Variants in LRRC69 observed in about 807,000 individuals in gnomAD.
LRRC69 encodes leucine rich repeat containing 69.
A neutral mutation model predicts 37.8 loss-of-function variants in LRRC69; 42 were observed. The observed-to-expected ratio is 1.11, with a 90% CI of 0.87 to 1.44. The LOEUF is 1.44. Ranked by LOEUF, LRRC69 falls within the 40% of genes most tolerant of loss-of-function variation. The pLI is 0.00. For synonymous variants in LRRC69, 141 were observed against 143.1 expected (o/e 0.99, Z 0.11); for missense variants, 357 against 401.9 (o/e 0.89, Z 0.96).
rs548765534 is a variant in LRRC69, at chr8:91,210,225, T to C, written c.934-8665T>C. On this transcript the variant is annotated intron_variant, in intron 7 of 7. Transcript: ENST00000448384. Reference sequence around the variant, plus strand: ...GTAACTAAGACTAAGCAAAGTTAAGTAGTTTGTTCACAAATTTCAAATCTA... The same window carrying C: ...GTAACTAAGACTAAGCAAAGTTAAGCAGTTTGTTCACAAATTTCAAATCTA... 9.3e-4 allele frequency among the ~76,000 whole-genome samples: 142 copies of C among 152,290 alleles called. 3 individuals are homozygous for C. The highest frequency in any genetic ancestry group is 1.0e-3 in the Non-Finnish European group (71 of 68,006).
At chr8:91,194,769 T>C (rs1437182349) in intron 6 of LRRC69, among the ~76,000 whole-genome samples, 1 of 152,200 alleles carries the variant, frequency 6.6e-6, no homozygotes, top group East Asian at 1.9e-4. Flanking sequence ...GGTCTATCTA[T>C]TTTGTTGATC....
chr8:91,144,600 T>C (rs1233031383), intron 5 of LRRC69, among the ~76,000 whole-genome samples: 1 of 152,024 alleles, frequency 6.6e-6, no homozygotes, highest in Non-Finnish European at 1.5e-5. Flanking sequence ...ACTTAACTCG[T>C]TGCCTACTAC....
chr8:91,192,362 G>C (rs964387508), intron 6 of LRRC69, among the ~76,000 whole-genome samples: 1 of 152,070 alleles, frequency 6.6e-6, no homozygotes, highest in African/African-American at 2.4e-5. Context: ...TACATACTCA[G>C]TAATGGGATG....
At chr8:91,141,971 A>G (rs1808540421) in intron 5 of LRRC69, among the ~76,000 whole-genome samples, 1 of 152,042 alleles carries the variant, frequency 6.6e-6, no homozygotes. Flanking sequence ...ATCTTTCTTT[A>G]GGTCAGAAAA....
intron 7 of LRRC69, chr8:91,206,555 A>T (rs1809808816): frequency 1.7e-6 from 1 of 576,442 alleles, no homozygotes; most frequent in South Asian, 2.0e-5. Flanking sequence ...ACTCGGAAAC[A>T]GTTTTCAAAA....
intron 5 of LRRC69, among the ~76,000 whole-genome samples, chr8:91,138,277 A>G (rs1376756129): frequency 6.6e-6 from 1 of 151,976 alleles, no homozygotes; most frequent in Admixed American, 6.6e-5. Flanking sequence ...CTTGTGAAGT[A>G]CATTTTTAAA....
chr8:91,135,409 A>G (rs562231935), intron 4 of LRRC69, among the ~76,000 whole-genome samples: 1 of 152,136 alleles, frequency 6.6e-6, no homozygotes, highest in Non-Finnish European at 1.5e-5. Context: ...CAGAGGTGAG[A>G]TTTCAACCTA....
At chr8:91,171,916 A>C (rs954814443) in intron 5 of LRRC69, among the ~76,000 whole-genome samples, 2 of 151,186 alleles carry the variant, frequency 1.3e-5, no homozygotes, top group Non-Finnish European at 2.9e-5. Context: ...TGTGTATGTG[A>C]GTGTGAGGGC....
chr8:91,157,609 G>A lies in LRRC69; in HGVS notation c.651+21870G>A, dbSNP rs190094022. ...AACTGCACCTGATCAGGTGGATAAG[G>A]CAGATGAAGACTTTCAGGAATCTAA... On this transcript the variant is annotated intron_variant, in intron 5 of 7. Transcript: ENST00000448384. The A allele has an allele frequency of 7.4e-4, 1,157 of 1,556,356 alleles. 4 individuals are homozygous for A. Among genetic ancestry groups the A allele is most frequent in the Middle Eastern group, 4.6e-3 (27 of 5,820 alleles).
rs572173492 is a variant in LRRC69, at chr8:91,152,510, A to G, written c.651+16771A>G. Among the ~76,000 whole-genome samples the G allele has an allele frequency of 4.6e-5, 7 of 151,758 alleles. No individual in the cohort carries two copies. In the South Asian group the frequency reaches 8.3e-4, roughly 18 times the overall value. ...AAGTGTCTGTTTTGTTACCAGTACCATGCTGTTTTGGTTACTGTAGCCTTG... is the reference window on the plus strand; with the variant it reads ...AAGTGTCTGTTTTGTTACCAGTACCGTGCTGTTTTGGTTACTGTAGCCTTG... On this transcript the variant is annotated intron_variant, in intron 5 of 7. Coordinates refer to ENST00000448384, the Ensembl canonical transcript of LRRC69.
At chr8:91,151,921 G>A (rs868100042) in intron 5 of LRRC69, among the ~76,000 whole-genome samples, 16 of 151,218 alleles carry the variant, frequency 1.1e-4, no homozygotes, top group South Asian at 4.2e-4. Context: ...TTTTTCATAT[G>A]TTTCTTGGCC....
At chr8:91,175,006 A>G (rs1212574892) in intron 5 of LRRC69, among the ~76,000 whole-genome samples, 2 of 152,194 alleles carry the variant, frequency 1.3e-5, no homozygotes, top group Non-Finnish European at 2.9e-5. Context: ...AAAAATACCC[A>G]TGAAGGTTAT....
intron 5 of LRRC69, among the ~76,000 whole-genome samples, chr8:91,136,624 C>T (rs975181424): frequency 3.3e-5 from 5 of 151,996 alleles, no homozygotes; most frequent in African/African-American, 1.2e-4. Flanking sequence ...TGTTCATCTT[C>T]TCCAGCTGAA....
At chr8:91,189,791 C>T (rs919829289) in intron 6 of LRRC69, among the ~76,000 whole-genome samples, 168 bp downstream of exon 6, 2 of 152,116 alleles carry the variant, frequency 1.3e-5, no homozygotes, top group Non-Finnish European at 2.9e-5. Context: ...TTATAGAATC[C>T]AGTGAAATCC....
chr8:91,141,984 C>CG (rs898501783), intron 5 of LRRC69, among the ~76,000 whole-genome samples: 4 of 149,406 alleles, frequency 2.7e-5, no homozygotes, highest in African/African-American at 1.0e-4. Flanking sequence ...TCAGAAAACT[C>CG]AGTCTATGAA....
intron 5 of LRRC69, among the ~76,000 whole-genome samples, chr8:91,181,378 T>G (rs911295835): frequency 2.0e-5 from 3 of 152,164 alleles, no homozygotes; most frequent in Admixed American, 6.5e-5. Flanking sequence ...AATTCCATCC[T>G]TCCTCATTCC....
chr8:91,206,805 C>T (rs1200162675), intron 7 of LRRC69: 1 of 1,289,236 alleles, frequency 7.8e-7, no homozygotes, highest in Non-Finnish European at 1.0e-6. Flanking sequence ...TCCAAAATAA[C>T]CCCATGACAC....
chr8:91,129,626 C>A (rs377066232), intron 3 of LRRC69, among the ~76,000 whole-genome samples: 28 of 152,042 alleles, frequency 1.8e-4, no homozygotes, highest in African/African-American at 6.0e-4. Context: ...ACAGGACCTG[C>A]TCCACACATT....
chr8:91,195,416 G>A (rs1253428459), intron 6 of LRRC69, among the ~76,000 whole-genome samples: 1 of 151,706 alleles, frequency 6.6e-6, no homozygotes, highest in African/African-American at 2.4e-5. Context: ...TTTCTGTCTT[G>A]TTGATCTGTC....
Sources: gnomAD v4.1 joint callset for allele counts (sites outside exome capture counted in the v4.1 genomes callset) on GRCh38, gnomAD v4.1.1 for gene constraint, MANE v1.5 for transcripts, NCBI Gene and HGNC (gene_info 2026-07-23, HGNC 2026-07-21) for gene names.